The following ROBO1 variants were observed in gnomAD, a reference collection of about 807,000 sequenced individuals.
ROBO1 encodes roundabout guidance receptor 1, also known as roundabout homolog 1.
ROBO1 carries 149 observed loss-of-function variants against 195.9 expected under a neutral mutation model. The ratio of observed to expected loss-of-function variants is 0.76; its 90% CI spans 0.67 to 0.87. The LOEUF (loss-of-function observed/expected upper bound fraction) is 0.87. ROBO1 is among the 40% of genes least tolerant of loss of function. ROBO1 has a pLI of 0.00. For synonymous variants in ROBO1, 816 were observed against 733.2 expected (o/e 1.11, Z -1.82); for missense variants, 1,933 against 2,068.3 (o/e 0.93, Z 1.27).
chr3:79,315,432 T>G (rs570132834), intron 2 of ROBO1, among the ~76,000 whole-genome samples: 1 of 152,264 alleles, frequency 6.6e-6, no homozygotes, highest in South Asian at 2.1e-4. Flanking sequence ...CAAATTAGAA[T>G]AGAAGAAGTG....
At chr3:78,727,364 T>C (rs551017964) in intron 5 of ROBO1, among the ~76,000 whole-genome samples, 25 of 152,294 alleles carry the variant, frequency 1.6e-4, no homozygotes, top group African/African-American at 5.1e-4. Flanking sequence ...CGGTGGCTCA[T>C]GCCTGTAATC....
At chr3:78,830,630 G>A (rs1405438963) in intron 4 of ROBO1, among the ~76,000 whole-genome samples, 1 of 152,150 alleles carries the variant, frequency 6.6e-6, no homozygotes. Context: ...ACTATCATGA[G>A]AGCAGGATTG....
intron 19 of ROBO1, among the ~76,000 whole-genome samples, chr3:78,648,736 T>C (rs932926760): frequency 6.6e-6 from 1 of 152,050 alleles, no homozygotes; most frequent in Non-Finnish European, 1.5e-5. Flanking sequence ...TTAAAGTTTC[T>C]TTAAAATAAT....
intron 1 of ROBO1, among the ~76,000 whole-genome samples, chr3:79,689,853 G>A (rs1947248093): frequency 6.6e-6 from 1 of 151,858 alleles, no homozygotes; most frequent in Admixed American, 6.6e-5. Context: ...ATATTGAGAA[G>A]AAAATATTTC....
intron 3 of ROBO1, among the ~76,000 whole-genome samples, chr3:78,977,256 T>C (rs1016668742): frequency 2.6e-5 from 4 of 152,120 alleles, no homozygotes; most frequent in Non-Finnish European, 5.9e-5. Flanking sequence ...TTTAGAAAAA[T>C]CAGATTACTC....
rs1270331290 is a variant in ROBO1, at chr3:78,773,690, C to CA, written c.500-26791dup. 2.6e-5 allele frequency among the ~76,000 whole-genome samples: 4 copies of CA among 152,266 alleles called. No homozygotes were observed. The East Asian group carries it at 7.7e-4, about 29-fold the overall frequency. On this transcript the variant is annotated intron_variant, in intron 4 of 30. Transcript: ENST00000464233. Reference sequence around the variant, plus strand: ...TGTGATGACTTAGTCTACACTCTGTCATGTGCTAGACAATCCCCAAAACTC... The same window carrying CA: ...TGTGATGACTTAGTCTACACTCTGTCAATGTGCTAGACAATCCCCAAAACTC...
intron 4 of ROBO1, among the ~76,000 whole-genome samples, chr3:78,788,418 T>C (rs528454717): frequency 8.5e-6 from 1 of 117,324 alleles, no homozygotes; most frequent in South Asian, 3.3e-4. Context: ...GCTCCCAGCC[T>C]CTCTTTTCTT....
intron 2 of ROBO1, among the ~76,000 whole-genome samples, chr3:79,307,669 T>C (rs1210586147): frequency 6.6e-6 from 1 of 152,074 alleles, no homozygotes; most frequent in African/African-American, 2.4e-5. Context: ...ATCTCAATGA[T>C]GTATTTAGAA....
chr3:79,724,902 A>G (rs923035576), intron 1 of ROBO1, among the ~76,000 whole-genome samples: 6 of 152,200 alleles, frequency 3.9e-5, no homozygotes, highest in Admixed American at 3.3e-4. Flanking sequence ...GAGTATTCCT[A>G]CAGTCCTGCA....
At chr3:78,885,635 T>G (rs2036514475) in intron 4 of ROBO1, among the ~76,000 whole-genome samples, 1 of 151,004 alleles carries the variant, frequency 6.6e-6, no homozygotes, top group African/African-American at 2.4e-5. Context: ...TTTCATGTAT[T>G]AACTCATTTA....
intron 2 of ROBO1, among the ~76,000 whole-genome samples, chr3:79,589,045 C>T (rs1943916500): frequency 6.6e-6 from 1 of 151,560 alleles, no homozygotes; most frequent in African/African-American, 2.4e-5. Flanking sequence ...ATAGTATGGT[C>T]TAACAAAACA....
At chr3:78,827,395 A>G (rs925529754) in intron 4 of ROBO1, among the ~76,000 whole-genome samples, 2 of 152,222 alleles carry the variant, frequency 1.3e-5, no homozygotes, top group South Asian at 2.1e-4. Context: ...ATGTAGTTCA[A>G]TCTCTGAAAT....
rs568055569 is a variant in ROBO1, at chr3:79,411,267, C to T, written c.88+178557G>A. Among the ~76,000 whole-genome samples the T allele has an allele frequency of 2.0e-5, 3 of 152,216 alleles. No individual in the cohort carries two copies. In the East Asian group the frequency reaches 5.8e-4, roughly 29 times the overall value. ...CAAACAACAAATTCATAATCCTGTC[C>T]TGTAACACATGAGACATATTCAGTC... On this transcript the variant is annotated intron_variant, in intron 2 of 30. Coordinates refer to ENST00000464233, the MANE Select transcript of ROBO1 (RefSeq NM_002941.4).
intron 1 of ROBO1, among the ~76,000 whole-genome samples, chr3:79,702,610 C>A (rs987269115): frequency 6.6e-6 from 1 of 151,772 alleles, no homozygotes; most frequent in African/African-American, 2.4e-5. Flanking sequence ...AAGAGATAGG[C>A]ATTATTGTGC....
At chr3:79,582,922 A>T (rs1245780916) in intron 2 of ROBO1, among the ~76,000 whole-genome samples, 1 of 152,040 alleles carries the variant, frequency 6.6e-6, no homozygotes, top group East Asian at 1.9e-4. Context: ...ATAGTGTAAT[A>T]AACAGCAAGC....
At chr3:79,200,200 C>T (rs886705361) in intron 2 of ROBO1, among the ~76,000 whole-genome samples, 5 of 151,712 alleles carry the variant, frequency 3.3e-5, no homozygotes, top group African/African-American at 7.2e-5. Flanking sequence ...TCAAATTTAA[C>T]GCAGTCTTGT....
intron 4 of ROBO1, among the ~76,000 whole-genome samples, chr3:78,863,416 A>AG (rs1321975730): frequency 1.3e-5 from 2 of 152,034 alleles, no homozygotes; most frequent in Non-Finnish European, 2.9e-5. Context: ...AGGAGCAGCC[A>AG]GGGGGGAAAT....
At chr3:79,746,687 AG>A (rs1384672875) in intron 1 of ROBO1, among the ~76,000 whole-genome samples, 1 of 152,002 alleles carries the variant, frequency 6.6e-6, no homozygotes, top group African/African-American at 2.4e-5. Flanking sequence ...CTGAGATTTT[AG>A]TCCTAATATT....
chr3:79,719,970 C>T (rs975035276), intron 1 of ROBO1, among the ~76,000 whole-genome samples: 1 of 152,098 alleles, frequency 6.6e-6, no homozygotes, highest in East Asian at 1.9e-4. Context: ...AGACTTTTCT[C>T]AGAATAAAGG....
Sources: gnomAD v4.1 joint callset for allele counts (sites outside exome capture counted in the v4.1 genomes callset) on GRCh38, gnomAD v4.1.1 for gene constraint, MANE v1.5 for transcripts, NCBI Gene and HGNC (gene_info 2026-07-23, HGNC 2026-07-21) for gene names.